The following ACTR3C variants were observed in gnomAD, a reference collection of about 807,000 sequenced individuals.
ACTR3C encodes the protein actin related protein 3C, also known as actin-related protein 3C.
A neutral mutation model predicts 26.3 loss-of-function variants in ACTR3C; 18 were observed. That is an observed-to-expected ratio of 0.68 (90% CI 0.47 to 1.01). The LOEUF (loss-of-function observed/expected upper bound fraction) is 1.01. Ranked by LOEUF, ACTR3C falls within the 50% of genes least tolerant of loss-of-function variation. The pLI is 0.00. For synonymous variants in ACTR3C, 55 were observed against 94.5 expected (o/e 0.58, Z 2.42); for missense variants, 184 against 250.7 (o/e 0.73, Z 1.80).
At chr7:150,293,039 T>C (rs1433305059) in intron 3 of ACTR3C, among the ~76,000 whole-genome samples, 1 of 152,044 alleles carries the variant, frequency 6.6e-6, no homozygotes, top group African/African-American at 2.4e-5. Context: ...CTGGACATTC[T>C]CTGACATTCT....
At chr7:150,255,055 A>G (rs1265435684) in intron 6 of ACTR3C, among the ~76,000 whole-genome samples, 2 of 152,034 alleles carry the variant, frequency 1.3e-5, no homozygotes, top group Non-Finnish European at 2.9e-5. Flanking sequence ...GTGGTGTCTG[A>G]GTTCACTTCA....
At chr7:150,133,205 C>G in the ACTR3C span, among the ~76,000 whole-genome samples, 1 of 152,050 alleles carries the variant, frequency 6.6e-6, no homozygotes, top group Non-Finnish European at 1.5e-5. Flanking sequence ...AGGTTGGACG[C>G]GAGCTTTGTA....
chr7:150,198,534 A>AG, the ACTR3C span, among the ~76,000 whole-genome samples: 17 of 126,066 alleles, frequency 1.3e-4, no homozygotes, highest in Middle Eastern at 5.3e-3. Context: ...TGCCCGGCCG[A>AG]GACCCAGTCT....
the ACTR3C span, among the ~76,000 whole-genome samples, chr7:150,033,117 T>C: frequency 1.1e-4 from 17 of 151,604 alleles, no homozygotes; most frequent in Admixed American, 3.9e-4. Context: ...GAACGGGGAG[T>C]GGGACAGAGG....
the ACTR3C span, among the ~76,000 whole-genome samples, chr7:150,151,033 T>C: frequency 9.6e-6 from 1 of 104,044 alleles, no homozygotes; most frequent in Non-Finnish European, 1.9e-5. Flanking sequence ...TTTAAGTGTA[T>C]GTTTATTATA....
chr7:150,301,083 T>C (rs1795411250), intron 1 of ACTR3C, among the ~76,000 whole-genome samples: 1 of 152,164 alleles, frequency 6.6e-6, no homozygotes, highest in Admixed American at 6.5e-5. Flanking sequence ...AGAATGGGGC[T>C]GGGCACATAG....
chr7:150,241,760 G>T (rs1832187522), downstream of ACTR3C, among the ~76,000 whole-genome samples: 2 of 152,172 alleles, frequency 1.3e-5, no homozygotes, highest in East Asian at 3.9e-4. Context: ...GATTTATAAA[G>T]AAGTCTTATA....
chr7:150,054,457 T>A, the ACTR3C span, among the ~76,000 whole-genome samples: 1 of 152,228 alleles, frequency 6.6e-6, no homozygotes, highest in African/African-American at 2.4e-5. Flanking sequence ...GCTTCTGCAC[T>A]CTGATGATCC....
chr7:150,238,859 T>C, the ACTR3C span, among the ~76,000 whole-genome samples: 1 of 146,380 alleles, frequency 6.8e-6, no homozygotes, highest in Non-Finnish European at 1.5e-5. Context: ...CCTGAAGATA[T>C]GCATGTGCTT....
the ACTR3C span, among the ~76,000 whole-genome samples, chr7:150,036,733 G>A: frequency 2.1e-3 from 293 of 138,048 alleles, 28 homozygotes; most frequent in African/African-American, 6.7e-3. Flanking sequence ...GTTCGGACCC[G>A]TCGGATCGTA....
chr7:150,019,991 G>A, the ACTR3C span, among the ~76,000 whole-genome samples: 5 of 152,242 alleles, frequency 3.3e-5, no homozygotes, highest in African/African-American at 1.2e-4. Flanking sequence ...TACACATTGT[G>A]TCTATTATTG....
the ACTR3C span, among the ~76,000 whole-genome samples, chr7:150,200,673 A>G: frequency 6.6e-6 from 1 of 152,192 alleles, no homozygotes; most frequent in South Asian, 2.1e-4. Flanking sequence ...ACTCTTTGGT[A>G]GTATAATACT....
At chr7:149,994,262 A>G in the ACTR3C span, among the ~76,000 whole-genome samples, 1 of 152,192 alleles carries the variant, frequency 6.6e-6, no homozygotes, top group African/African-American at 2.4e-5. Flanking sequence ...TGGCCATCGA[A>G]GGGGCAAGTC....
At chr7:150,205,819 CTT>C in the ACTR3C span, among the ~76,000 whole-genome samples, 14 of 144,778 alleles carry the variant, frequency 9.7e-5, no homozygotes, top group African/African-American at 2.5e-4. Flanking sequence ...TTCAGAAGAC[CTT>C]TTTTTTTTTT....
At chr7:149,980,136 G>T in the ACTR3C span, among the ~76,000 whole-genome samples, 4 of 152,230 alleles carry the variant, frequency 2.6e-5, no homozygotes, top group East Asian at 7.7e-4. Flanking sequence ...AAGCAAAGAA[G>T]AATTCAAGAA....
At chr7:150,257,699 A>G (rs1303670927) in intron 6 of ACTR3C, among the ~76,000 whole-genome samples, 1 of 152,214 alleles carries the variant, frequency 6.6e-6, no homozygotes, top group Non-Finnish European at 1.5e-5. Flanking sequence ...AAATGCCCAA[A>G]TTGCCCTGTC....
chr7:149,910,597 G>C, the ACTR3C span, among the ~76,000 whole-genome samples: 3 of 151,966 alleles, frequency 2.0e-5, no homozygotes, highest in African/African-American at 4.8e-5. Context: ...GTAACGTCTG[G>C]ACAACCAAGC....
rs1268887902 is a variant in ACTR3C at position 150,297,626 on chromosome 7, C to T, written c.-51-2279G>A. On this transcript the variant is annotated intron_variant, in intron 1 of 7. Transcript: ENST00000683684. ...CAGCACTTTGGGAGGCCGAGGCGGG[C>T]GGATCACCTGAGGTCAGGAGTTTGA... 8.5e-5 allele frequency among the ~76,000 whole-genome samples: 13 copies of T among 152,250 alleles called. No homozygotes were observed. The East Asian group carries it at 2.3e-3, about 27-fold the overall frequency.
chr7:150,034,978 G>A, the ACTR3C span, among the ~76,000 whole-genome samples: 1 of 146,278 alleles, frequency 6.8e-6, no homozygotes, highest in African/African-American at 2.5e-5. Context: ...ACTCTCGTGG[G>A]GGGTGCCTCC....
Sources: gnomAD v4.1 joint callset for allele counts (sites outside exome capture counted in the v4.1 genomes callset) on GRCh38, gnomAD v4.1.1 for gene constraint, MANE v1.5 for transcripts, NCBI Gene and HGNC (gene_info 2026-07-23, HGNC 2026-07-21) for gene names.